MOB3B: variants seen among roughly 807,000 people sequenced by gnomAD.
The protein encoded by MOB3B is MOB kinase activator 3B.
Under a neutral mutation model 18.7 loss-of-function variants are expected in MOB3B, and 7 were observed. The observed-to-expected ratio is 0.37, with a 90% CI of 0.21 to 0.70. MOB3B has a LOEUF of 0.70. Ranked by LOEUF, MOB3B falls within the 30% of genes least tolerant of loss-of-function variation. The pLI, the probability that MOB3B is intolerant of heterozygous loss-of-function variation, is 0.52. For missense variants in MOB3B, 253 were observed against 281.3 expected, an observed-to-expected ratio of 0.90 and a Z score of 0.72; for synonymous variants, 111 against 99.9, an observed-to-expected ratio of 1.11 and a Z score of -0.66.
At chr9:27,506,599 T>G (rs563216198) in intron 1 of MOB3B, among the ~76,000 whole-genome samples, 31 of 151,998 alleles carry the variant, frequency 2.0e-4, no homozygotes, top group South Asian at 6.2e-4. Flanking sequence ...TGGCTTGATC[T>G]CAGCTCACTG....
intron 2 of MOB3B, among the ~76,000 whole-genome samples, chr9:27,447,005 A>AT (rs1221901004): frequency 1.4e-5 from 1 of 73,502 alleles, no homozygotes; most frequent in African/African-American, 6.9e-5. Flanking sequence ...AATTAGCATG[A>AT]ATTTTTTTTT....
chr9:27,397,771 C>T (rs1009306709), intron 2 of MOB3B, among the ~76,000 whole-genome samples: 3 of 152,170 alleles, frequency 2.0e-5, no homozygotes, highest in Non-Finnish European at 2.9e-5. Context: ...TCTTTTAGAT[C>T]GGCTAAACCA....
intron 3 of MOB3B, among the ~76,000 whole-genome samples, chr9:27,342,348 A>AT (rs1242108484): frequency 6.6e-6 from 1 of 152,200 alleles, no homozygotes; most frequent in Non-Finnish European, 1.5e-5. Context: ...GAGAACAATG[A>AT]TGTTACATCA....
chr9:27,474,139 G>A (rs1048658935), intron 1 of MOB3B, among the ~76,000 whole-genome samples: 3 of 152,070 alleles, frequency 2.0e-5, no homozygotes, highest in East Asian at 1.9e-4. Context: ...ATATTTACAC[G>A]ATCTCATTTT....
chr9:27,434,513 C>A (rs1208185303), intron 2 of MOB3B, among the ~76,000 whole-genome samples: 1 of 152,100 alleles, frequency 6.6e-6, no homozygotes, highest in Non-Finnish European at 1.5e-5. Flanking sequence ...TTATACGGCC[C>A]AGCCAAGACC....
intron 1 of MOB3B, among the ~76,000 whole-genome samples, chr9:27,478,277 CAAAG>C (rs1200492688): frequency 6.6e-6 from 1 of 152,112 alleles, no homozygotes; most frequent in Non-Finnish European, 1.5e-5. Flanking sequence ...AATAAACCCA[CAAAG>C]AATGAAGCCA....
intron 2 of MOB3B, among the ~76,000 whole-genome samples, chr9:27,419,904 A>T (rs1822213468): frequency 6.6e-6 from 1 of 152,240 alleles, no homozygotes. Flanking sequence ...CAATCTATAC[A>T]TCTGACAAAA....
chr9:27,359,362 A>T, intron 2 of MOB3B, 126 bp from the exon 3 acceptor site: 42 of 437,580 alleles, frequency 9.6e-5, no homozygotes, highest in Non-Finnish European at 1.5e-4. Flanking sequence ...CAGGAGTCAT[A>T]GGGAGTGTGT....
intron 3 of MOB3B, among the ~76,000 whole-genome samples, chr9:27,347,767 C>A (rs1430909301): frequency 6.6e-6 from 1 of 152,190 alleles, no homozygotes; most frequent in African/African-American, 2.4e-5. Context: ...ACTGTTTCTA[C>A]ATTTAGATAC....
At chr9:27,346,679 C>T (rs554126025) in intron 3 of MOB3B, among the ~76,000 whole-genome samples, 17 of 152,216 alleles carry the variant, frequency 1.1e-4, no homozygotes, top group African/African-American at 4.1e-4. Flanking sequence ...TAAATCTCTA[C>T]CATTAATCTC....
intron 2 of MOB3B, among the ~76,000 whole-genome samples, chr9:27,407,179 C>A (rs1821994817): frequency 6.6e-6 from 1 of 152,144 alleles, no homozygotes; most frequent in Admixed American, 6.5e-5. Context: ...TCTGTGTAAC[C>A]TAAGAGGTCT....
At chr9:27,458,143 C>T (rs955823602) in intron 1 of MOB3B, among the ~76,000 whole-genome samples, 7 of 152,138 alleles carry the variant, frequency 4.6e-5, no homozygotes, top group African/African-American at 1.7e-4. Flanking sequence ...ATGAGACTTG[C>T]TCTTCTATTA....
At chr9:27,478,554 A>G (rs1247548250) in intron 1 of MOB3B, among the ~76,000 whole-genome samples, 3 of 152,172 alleles carry the variant, frequency 2.0e-5, no homozygotes, top group Non-Finnish European at 2.9e-5. Context: ...GAGAATTACC[A>G]TCATGAAAGA....
chr9:27,339,025 A>G (rs1002401561), intron 3 of MOB3B, among the ~76,000 whole-genome samples: 1 of 152,060 alleles, frequency 6.6e-6, no homozygotes, highest in South Asian at 2.1e-4. Flanking sequence ...TGTTTGTGTG[A>G]GGCTGTGGAG....
chr9:27,420,654 G>A (rs1272310825), intron 2 of MOB3B, among the ~76,000 whole-genome samples: 1 of 145,264 alleles, frequency 6.9e-6, no homozygotes, highest in Non-Finnish European at 1.5e-5. Context: ...TGACCCGGAT[G>A]AGATTGGAGA....
chr9:27,384,190 G>A (rs1027239316), intron 2 of MOB3B, among the ~76,000 whole-genome samples: 2 of 152,078 alleles, frequency 1.3e-5, no homozygotes, highest in African/African-American at 4.8e-5. Context: ...AGCTCATCTA[G>A]TAGGTCATGG....
At chr9:27,340,785 TG>T (rs1261892128) in intron 3 of MOB3B, among the ~76,000 whole-genome samples, 1 of 152,224 alleles carries the variant, frequency 6.6e-6, no homozygotes, top group African/African-American at 2.4e-5. Context: ...CTCTGACATT[TG>T]GCTGCTGCTC....
At chr9:27,427,287 A>G (rs931241026) in intron 2 of MOB3B, among the ~76,000 whole-genome samples, 1 of 152,222 alleles carries the variant, frequency 6.6e-6, no homozygotes, top group Non-Finnish European at 1.5e-5. Context: ...GATATAGCCC[A>G]AATGTGCAAG....
intron 1 of MOB3B, among the ~76,000 whole-genome samples, chr9:27,522,769 T>C (rs1396435260): frequency 6.6e-6 from 1 of 152,180 alleles, no homozygotes; most frequent in Non-Finnish European, 1.5e-5. Flanking sequence ...TTTTGATCCA[T>C]ATCACCACTT....
Sources: allele counts gnomAD v4.1 joint callset (sites outside exome capture counted in the v4.1 genomes callset), GRCh38; gene constraint gnomAD v4.1.1; transcripts MANE v1.5; gene names NCBI Gene and HGNC (gene_info 2026-07-23, HGNC 2026-07-21).